The following NOMO2 variants were observed in gnomAD, a reference collection of about 807,000 sequenced individuals.
NOMO2 encodes the protein BOS complex subunit NOMO2.
NOMO2 carries 14 observed loss-of-function variants against 67.1 expected under a neutral mutation model. That is an observed-to-expected ratio of 0.21 (90% CI 0.14 to 0.33). NOMO2 has a LOEUF of 0.33. Among genes scored for constraint, NOMO2 ranks in the 10% least tolerant of loss-of-function variants. NOMO2 has a pLI of 1.00. For missense variants in NOMO2, 178 were observed against 761.0 expected, an observed-to-expected ratio of 0.23 and a Z score of 9.01; for synonymous variants, 80 against 305.9, an observed-to-expected ratio of 0.26 and a Z score of 7.71.
intron 9 of NOMO2, among the ~76,000 whole-genome samples, chr16:18,539,730 C>T (rs1180309613): frequency 3.3e-5 from 5 of 151,616 alleles, no homozygotes; most frequent in African/African-American, 1.2e-4. Context: ...CTGTGTGACG[C>T]AGCAAGACTC....
At chr16:18,541,909 C>T (rs1901556697) in intron 9 of NOMO2, among the ~76,000 whole-genome samples, 1 of 110,596 alleles carries the variant, frequency 9.0e-6, no homozygotes, top group African/African-American at 3.3e-5. Flanking sequence ...TTGGTCACTG[C>T]TATATCCCCA....
rs1299506552 is a variant in NOMO2, at chr16:18,526,566, GAAT to G, written c.1894+968_1894+970del. ...CAAAATATGATATAACCACACACCA[GAAT>G]ACTACACAGCAATGTAACAGAACAA... On this transcript the variant is annotated intron_variant, in intron 16 of 30. Transcript: ENST00000622306. Among the ~76,000 whole-genome samples, 5 of 151,628 alleles carry G rather than the reference GAAT, an allele frequency of 3.3e-5. No homozygotes were observed. The East Asian group carries it at 9.7e-4, about 29-fold the overall frequency.
At chr16:18,536,468 T>A (rs1901425803) in intron 11 of NOMO2, among the ~76,000 whole-genome samples, 1 of 152,136 alleles carries the variant, frequency 6.6e-6, no homozygotes, top group South Asian at 2.1e-4. Flanking sequence ...TTTTATTTTT[T>A]AATTTTTATC....
rs756246897 is a variant in NOMO2 at position 18,561,173 on chromosome 16, TAAAAAAAAAA to T, written c.165+693_165+702del. Among the ~76,000 whole-genome samples the T allele has an allele frequency of 5.8e-3, 188 of 32,442 alleles. 1 individual carries two copies. Among genetic ancestry groups the T allele is most frequent in the Admixed American group, 0.013 (25 of 1,868 alleles). The allele number at this position is 32,442 out of a possible 152,430, so 21.3% of individuals were successfully genotyped here. On this transcript the variant is annotated intron_variant, in intron 1 of 30. Coordinates refer to ENST00000622306, the MANE Select transcript of NOMO2 (RefSeq NM_173614.4). ...ATTTAACAGGACTTTACAACTTAAT[TAAAAAAAAAA>T]AAAAAAAAAAAAAAAAAAAAAAAAC... is the stretch of plus-strand genomic sequence containing the variant.
intron 5 of NOMO2, among the ~76,000 whole-genome samples, chr16:18,548,405 A>G (rs557352648): frequency 4.0e-4 from 60 of 151,542 alleles, no homozygotes; most frequent in African/African-American, 1.4e-3. Flanking sequence ...AAAATTGAAT[A>G]ACTTACTGAC....
At chr16:18,551,820 A>G (rs1901794845) in intron 3 of NOMO2, among the ~76,000 whole-genome samples, 1 of 151,878 alleles carries the variant, frequency 6.6e-6, no homozygotes, top group Non-Finnish European at 1.5e-5. Flanking sequence ...CAGCTAAGTT[A>G]TATCTCAGAG....
intron 6 of NOMO2, among the ~76,000 whole-genome samples, chr16:18,546,249 A>G (rs1394226055): frequency 1.6e-5 from 1 of 60,698 alleles, no homozygotes; most frequent in Non-Finnish European, 3.4e-5. Context: ...ACTGTACTCT[A>G]GCCTGGGCAA....
chr16:18,529,884 G>A (rs562080601), intron 14 of NOMO2, among the ~76,000 whole-genome samples: 66 of 151,548 alleles, frequency 4.4e-4, no homozygotes, highest in Non-Finnish European at 6.8e-4. Flanking sequence ...GGAGGCTGAC[G>A]GCAGTTGGAT....
intron 9 of NOMO2, among the ~76,000 whole-genome samples, chr16:18,540,541 G>A (rs1173062314): frequency 1.3e-5 from 2 of 151,112 alleles, no homozygotes; most frequent in East Asian, 2.0e-4. Flanking sequence ...TGCAAGCTAC[G>A]AGAAGCAAAG....
chr16:18,558,782 T>C, intron 1 of NOMO2: 1 of 452,570 alleles, frequency 2.2e-6, no homozygotes, highest in Admixed American at 2.4e-5. Flanking sequence ...GTTCGGTTTC[T>C]TCAGGTGTAG....
At chr16:18,559,235 A>G (rs1901983140) in intron 1 of NOMO2, among the ~76,000 whole-genome samples, 1 of 152,062 alleles carries the variant, frequency 6.6e-6, no homozygotes, top group African/African-American at 2.4e-5. Flanking sequence ...CTCTCTGAAG[A>G]AAAAGGCAAC....
chr16:18,525,770 T>C (rs1267260714), intron 16 of NOMO2, among the ~76,000 whole-genome samples: 1 of 151,616 alleles, frequency 6.6e-6, no homozygotes, highest in East Asian at 1.9e-4. Flanking sequence ...TACAGACAAG[T>C]AGCTTACTGG....
At chr16:18,535,092 T>G (rs1348072424) in intron 11 of NOMO2, among the ~76,000 whole-genome samples, 2 of 117,006 alleles carry the variant, frequency 1.7e-5, no homozygotes. Flanking sequence ...CCCAGCACTT[T>G]GGGAAGCCGA....
At chr16:18,561,196 A>AAC (rs1555467968) in intron 1 of NOMO2, among the ~76,000 whole-genome samples, 1,848 of 46,056 alleles carry the variant, frequency 0.04, 32 homozygotes, top group Non-Finnish European at 0.071. Context: ...AAAAAAAAAA[A>AAC]AAAAAAAAAA....
intron 1 of NOMO2, among the ~76,000 whole-genome samples, chr16:18,560,627 A>G (rs917227614): frequency 2.6e-5 from 4 of 151,882 alleles, no homozygotes; most frequent in Non-Finnish European, 4.4e-5. Flanking sequence ...CTGAAAAAGC[A>G]GCAAACAACG....
In NOMO2 at chr16:18,553,031, T is replaced by C. The variant is rs969148567; in HGVS notation, c.302-1492A>G. ...GCTCTTGCCTATAATCCCCACACTT[T>C]GGGAGGCCAAAGCGGGCAGATCACT... On this transcript the variant is annotated intron_variant, in intron 3 of 30. Transcript: ENST00000622306. Among the ~76,000 whole-genome samples, 40 of 152,030 alleles carry C rather than the reference T, an allele frequency of 2.6e-4. 1 individual carries two copies. Among genetic ancestry groups the C allele is most frequent in the African/African-American group, 9.6e-4 (40 of 41,480 alleles).
rs370160646 is a variant in NOMO2 at position 18,529,568 on chromosome 16, A to G, written c.1739T>C (p.Val580Ala). The stretch of plus-strand genomic sequence containing the variant: ...CGTCTGCCTGAACTCAACTGCAGAC[A>G]CGTCATCCTCCAGCACTTCCACCTC... ...SLEVEVLEDDVSAVEFRQTGY... is the reference protein window; with the variant it reads ...SLEVEVLEDDASAVEFRQTGY... Residue 580 changes from valine to alanine, a missense_variant, in exon 15 of 31, where the codon GTG becomes GCG. Val to Ala is a moderately conservative substitution (Grantham distance 64, BLOSUM62 0). Coordinates refer to ENST00000622306, the MANE Select transcript of NOMO2 (RefSeq NM_173614.4). 1,773 of 1,607,106 alleles carry G rather than the reference A, an allele frequency of 1.1e-3. 5 individuals carry two copies. In the African/African-American group the frequency reaches 0.021, roughly 19 times the overall value.
chr16:18,531,638 T>G (rs1405230851), intron 12 of NOMO2, 31 bp from the exon 13 acceptor site: 1 of 1,611,650 alleles, frequency 6.2e-7, no homozygotes, highest in African/African-American at 1.3e-5. Context: ...CGTTAGAGGC[T>G]GCATTCGGGG....
rs748024026 is a variant in NOMO2, at chr16:18,544,701, T to C, written c.583-932A>G. ...TATTCTGGCTCAGGGGGCTGCCCAA[T>C]TGACAAATTGTTCTATGCTCAATTA... is the stretch of plus-strand genomic sequence containing the variant. On this transcript the variant is annotated intron_variant, in intron 6 of 30. Coordinates refer to ENST00000622306, the MANE Select transcript of NOMO2 (RefSeq NM_173614.4). Among the ~76,000 whole-genome samples the C allele has an allele frequency of 7.2e-4, 109 of 152,056 alleles. 1 individual carries two copies. The highest frequency in any genetic ancestry group is 1.3e-3 in the Non-Finnish European group (87 of 68,004).
Sources: allele counts gnomAD v4.1 joint callset (sites outside exome capture counted in the v4.1 genomes callset), GRCh38; gene constraint gnomAD v4.1.1; transcripts MANE v1.5; gene names NCBI Gene and HGNC (gene_info 2026-07-23, HGNC 2026-07-21).